The following ADAM2 variants were observed in gnomAD, a reference collection of about 807,000 sequenced individuals.
ADAM2 encodes the protein ADAM metallopeptidase domain 2.
ADAM2 carries 101 observed loss-of-function variants against 99.3 expected under a neutral mutation model. The ratio of observed to expected loss-of-function variants is 1.02; its 90% CI spans 0.87 to 1.20. The LOEUF is 1.20. Among genes scored for constraint, ADAM2 ranks in the 50% most tolerant of loss-of-function variants. ADAM2 has a pLI of 0.00. For synonymous variants in ADAM2, 323 were observed against 287.6 expected (o/e 1.12, Z -1.25); for missense variants, 948 against 878.7 (o/e 1.08, Z -1.00).
At chr8:39,813,495 C>T (rs1022608183) in intron 6 of ADAM2, among the ~76,000 whole-genome samples, 23 of 152,108 alleles carry the variant, frequency 1.5e-4, no homozygotes, top group South Asian at 2.1e-4. Context: ...GCACTATTCA[C>T]GATAGCAAAG....
At chr8:39,815,796 A>G (rs1804916347) in intron 6 of ADAM2, among the ~76,000 whole-genome samples, 4 of 152,196 alleles carry the variant, frequency 2.6e-5, no homozygotes, top group Non-Finnish European at 5.9e-5. Flanking sequence ...ACAGAATGAG[A>G]AAAGATATGA....
intron 7 of ADAM2, among the ~76,000 whole-genome samples, chr8:39,804,402 A>G (rs1804351202): frequency 6.6e-6 from 1 of 152,190 alleles, no homozygotes; most frequent in Non-Finnish European, 1.5e-5. Flanking sequence ...GGAAAAGGAC[A>G]ATGCAAAAAT....
chr8:39,744,551 G>A (rs1033136613), intron 20 of ADAM2, among the ~76,000 whole-genome samples: 54 of 151,876 alleles, frequency 3.6e-4, no homozygotes, highest in South Asian at 2.1e-4. Flanking sequence ...ACCAAACACC[G>A]CATGTTCTCA....
At chr8:39,802,399 A>T (rs1804255872) in intron 7 of ADAM2, among the ~76,000 whole-genome samples, 1 of 152,110 alleles carries the variant, frequency 6.6e-6, no homozygotes. Flanking sequence ...GGAGACTCCG[A>T]ATGCTGCTGC....
At chr8:39,834,042 A>C in intron 2 of ADAM2, 43 bp from the exon 3 acceptor site, 7 of 1,135,472 alleles carry the variant, frequency 6.2e-6, no homozygotes, top group Non-Finnish European at 9.1e-6. Context: ...AATGAAAAAA[A>C]ATGTTAGAAG....
chr8:39,793,856 T>A (rs1803822932), intron 7 of ADAM2, among the ~76,000 whole-genome samples: 2 of 152,126 alleles, frequency 1.3e-5, no homozygotes. Context: ...GGAAAGTCTA[T>A]ACAGCCCATA....
At chr8:39,787,817 A>G (rs1040020158) in intron 9 of ADAM2, among the ~76,000 whole-genome samples, 13 of 151,696 alleles carry the variant, frequency 8.6e-5, no homozygotes, top group African/African-American at 2.7e-4. Context: ...AATTTTATGT[A>G]TTGTGTGAGA....
At chr8:39,801,747 C>T (rs946083348) in intron 7 of ADAM2, among the ~76,000 whole-genome samples, 1 of 151,990 alleles carries the variant, frequency 6.6e-6, no homozygotes, top group African/African-American at 2.4e-5. Flanking sequence ...GAAGCCCCAC[C>T]CACTGAGGAG....
Position 39,769,300 on chromosome 8 carries a change from T to C in ADAM2, c.1212+92A>G, listed in dbSNP as rs146225617. ...TGAATCATTTGCAGAAAATTTAGCT[T>C]GATGAATTAAGGAAAATGGCAGTTT... On this transcript the variant is annotated intron_variant, in intron 12 of 20. Coordinates refer to ENST00000265708, the MANE Select transcript of ADAM2 (RefSeq NM_001464.5). The C allele has an allele frequency of 6.2e-4, 616 of 988,260 alleles. 2 individuals carry two copies. The African/African-American group carries it at 8.3e-3, about 13-fold the overall frequency. The allele number at this position is 988,260 out of a possible 1,614,324, so 61.2% of individuals were successfully genotyped here.
chr8:39,800,481 G>T lies in ADAM2; in HGVS notation c.570+8929C>A, dbSNP rs1199950572. Among the ~76,000 whole-genome samples, 3 of 152,050 alleles carry T rather than the reference G, an allele frequency of 2.0e-5. No homozygotes were observed. The South Asian group carries it at 6.2e-4, about 32-fold the overall frequency. On this transcript the variant is annotated intron_variant, in intron 7 of 20. Coordinates refer to ENST00000265708, the MANE Select transcript of ADAM2 (RefSeq NM_001464.5). ...CAGTTTTTCCTTCATTTCAACCTTG[G>T]AGAATCTGATGACTATGTGTCTTGG...
intron 18 of ADAM2, among the ~76,000 whole-genome samples, chr8:39,747,230 G>A (rs1026299123): frequency 3.9e-5 from 6 of 151,996 alleles, no homozygotes; most frequent in African/African-American, 1.4e-4. Flanking sequence ...AGTTGATTGG[G>A]GACCAATGAA....
chr8:39,776,146 C>T (rs1033356442), intron 11 of ADAM2, among the ~76,000 whole-genome samples: 1 of 152,108 alleles, frequency 6.6e-6, no homozygotes, highest in Non-Finnish European at 1.5e-5. Context: ...TTCACATTAT[C>T]TTTTGCCAGA....
At chr8:39,767,795 T>C (rs1017068729) in intron 12 of ADAM2, among the ~76,000 whole-genome samples, 1 of 152,104 alleles carries the variant, frequency 6.6e-6, no homozygotes, top group Admixed American at 6.6e-5. Context: ...TTATGCCTTG[T>C]TTTATGCTTT....
chr8:39,756,937 A>C (rs897693052), intron 15 of ADAM2, among the ~76,000 whole-genome samples: 3 of 152,236 alleles, frequency 2.0e-5, no homozygotes, highest in African/African-American at 7.2e-5. Context: ...TGTCCAAGCC[A>C]CAGTTACTGG....
chr8:39,793,019 A>G (rs574437235), intron 7 of ADAM2, among the ~76,000 whole-genome samples: 1 of 152,138 alleles, frequency 6.6e-6, no homozygotes, highest in East Asian at 1.9e-4. Flanking sequence ...GTTGCATAAA[A>G]TCTCCATGTA....
At chr8:39,788,961 A>T (rs960555722) in intron 7 of ADAM2, among the ~76,000 whole-genome samples, 3 of 151,520 alleles carry the variant, frequency 2.0e-5, no homozygotes, top group African/African-American at 4.8e-5. Flanking sequence ...ATAGAAATTT[A>T]AAAAGTTTAA....
Position 39,838,144 on chromosome 8 carries a change from C to T in ADAM2, c.42G>A (p.Leu14=), listed in dbSNP as rs1563391809. The change falls in exon 1 of 21, where the codon CTG becomes CTA. Residue 14 remains leucine, a synonymous_variant. Coordinates refer to ENST00000265708, the MANE Select transcript of ADAM2 (RefSeq NM_001464.5). ...TTTTCTGCTTACTACTGTCCATCCG[C>T]AGCCCGCCGAGCCCGCTGAGCAGAA... is the stretch of plus-strand genomic sequence containing the variant. ...VLFLLSGLGG[L]RMDSNFDSLP... is the part of the protein sequence containing the mutation. 2 of 1,614,158 alleles carry T rather than the reference C, an allele frequency of 1.2e-6. No homozygotes were observed. The highest frequency in any genetic ancestry group is 2.2e-5 in the East Asian group (1 of 44,872).
intron 7 of ADAM2, among the ~76,000 whole-genome samples, chr8:39,792,526 T>A (rs528439220): frequency 6.6e-6 from 1 of 152,116 alleles, no homozygotes; most frequent in African/African-American, 2.4e-5. Flanking sequence ...CTTAGTCGAA[T>A]TCCCTCCTCA....
chr8:39,748,876 G>C (rs1823584042), intron 18 of ADAM2, among the ~76,000 whole-genome samples: 1 of 152,026 alleles, frequency 6.6e-6, no homozygotes, highest in Non-Finnish European at 1.5e-5. Context: ...TTTCAATCCT[G>C]CTATACATCC....
Sources: gnomAD v4.1 joint callset for allele counts (sites outside exome capture counted in the v4.1 genomes callset) on GRCh38, gnomAD v4.1.1 for gene constraint, MANE v1.5 for transcripts, NCBI Gene and HGNC (gene_info 2026-07-23, HGNC 2026-07-21) for gene names.